Variants in EGFR observed in about 807,000 individuals in gnomAD.
EGFR encodes avian erythroblastic leukemia viral (v-erb-b) oncogene homolog.
In EGFR, 58 loss-of-function variants were observed where a neutral mutation model predicts 143.0. The ratio of observed to expected loss-of-function variants is 0.41; its 90% CI spans 0.33 to 0.50. The LOEUF (loss-of-function observed/expected upper bound fraction) is 0.50, where lower values mean the gene tolerates loss of function less well. EGFR is among the 20% of genes least tolerant of loss of function. The pLI is 0.39. For missense variants in EGFR, 1,307 were observed against 1,579.0 expected, an observed-to-expected ratio of 0.83 and a Z score of 2.92; for synonymous variants, 613 against 594.4, an observed-to-expected ratio of 1.03 and a Z score of -0.45.
rs1476483566 is a variant in EGFR, at chr7:55,071,188, G to C, written c.88+51823G>C. On this transcript the variant is annotated intron_variant, in intron 1 of 27. Transcript: ENST00000275493. ...AGGAATTTGGAGGGTTGGTGTTACT[G>C]TTCAAGAGCTGGAAGGCTTCTGCCC... 3.9e-5 allele frequency among the ~76,000 whole-genome samples: 6 copies of C among 152,232 alleles called. No individual in the cohort carries two copies. The East Asian group carries it at 9.6e-4, about 24-fold the overall frequency.
chr7:55,064,931 G>A (rs1789410855), intron 1 of EGFR, among the ~76,000 whole-genome samples: 1 of 152,164 alleles, frequency 6.6e-6, no homozygotes, highest in Admixed American at 6.5e-5. Flanking sequence ...GCATTTCCTG[G>A]TCAAGGTGAC....
intron 20 of EGFR, among the ~76,000 whole-genome samples, chr7:55,186,075 G>A (rs1481524545): frequency 1.3e-5 from 2 of 152,168 alleles, no homozygotes; most frequent in African/African-American, 2.4e-5. Context: ...CTCCAAGCTG[G>A]TGGTGCCAGC....
At chr7:55,144,073 T>C (rs892577810) in intron 3 of EGFR, among the ~76,000 whole-genome samples, 1 of 152,208 alleles carries the variant, frequency 6.6e-6, no homozygotes, top group African/African-American at 2.4e-5. Flanking sequence ...ATAGCAGTGA[T>C]TGTGCCTCAC....
At chr7:55,191,920 G>T in intron 21 of EGFR, 46 bp downstream of exon 21, 1 of 1,609,816 alleles carries the variant, frequency 6.2e-7, no homozygotes, top group South Asian at 1.1e-5. Context: ...TGACACCAGG[G>T]ACCAGGCTGC....
chr7:55,192,250 C>T (rs1787429073), intron 21 of EGFR, among the ~76,000 whole-genome samples: 1 of 152,178 alleles, frequency 6.6e-6, no homozygotes, highest in Non-Finnish European at 1.5e-5. Context: ...AGGCCCCATG[C>T]GGACCCGAGC....
intron 23 of EGFR, 133 bp downstream of exon 23, chr7:55,198,996 C>T: frequency 8.3e-7 from 1 of 1,203,296 alleles, no homozygotes; most frequent in Non-Finnish European, 1.2e-6. Context: ...AATCCAGAAA[C>T]ATCTGTAAAT....
intron 1 of EGFR, among the ~76,000 whole-genome samples, chr7:55,114,786 A>G (rs1168529938): frequency 1.3e-5 from 2 of 151,896 alleles, no homozygotes; most frequent in African/African-American, 2.4e-5. Context: ...AAAAAATTCT[A>G]AATATATTGT....
At chr7:55,090,619 C>T (rs1791053801) in intron 1 of EGFR, among the ~76,000 whole-genome samples, 2 of 152,204 alleles carry the variant, frequency 1.3e-5, no homozygotes, top group Admixed American at 1.3e-4. Context: ...CACCTAATCT[C>T]TTAAAAAATA....
intron 1 of EGFR, among the ~76,000 whole-genome samples, chr7:55,094,643 T>C (rs11977660): frequency 0.43 from 65,472 of 152,132 alleles, 14,960 homozygotes; most frequent in East Asian, 0.67. Flanking sequence ...TAACTTCTCC[T>C]TTCACATATG....
chr7:55,044,389 T>A (rs370758302), intron 1 of EGFR, among the ~76,000 whole-genome samples: 57 of 152,228 alleles, frequency 3.7e-4, no homozygotes, highest in African/African-American at 1.3e-3. Flanking sequence ...TTTGAAATAA[T>A]GTTGTTTGTG....
chr7:55,038,564 T>G (rs1460894375), intron 1 of EGFR, among the ~76,000 whole-genome samples: 1 of 152,214 alleles, frequency 6.6e-6, no homozygotes, highest in East Asian at 1.9e-4. Flanking sequence ...ATGAAACTGC[T>G]CTAAAGTCAT....
rs375332959 is a variant in EGFR at position 55,181,394 on chromosome 7, C to A, written c.2385C>A (p.Phe795Leu). ...TVQLITQLMP[F>L]GCLLDYVREH... ...AGCTCATCACGCAGCTCATGCCCTT[C>A]GGCTGCCTCCTGGACTATGTCCGGG... Residue 795 changes from phenylalanine to leucine, a missense_variant, in exon 20 of 28, where the codon TTC becomes TTA. Transcript: ENST00000275493. 1 of 1,614,222 alleles carries A rather than the reference C, an allele frequency of 6.2e-7. No individual in the cohort carries two copies. Among genetic ancestry groups the A allele is most frequent in the Non-Finnish European group, 8.5e-7 (1 of 1,180,032 alleles).
At chr7:55,060,580 C>A (rs1562678815) in intron 1 of EGFR, among the ~76,000 whole-genome samples, 1 of 152,126 alleles carries the variant, frequency 6.6e-6, no homozygotes, top group Non-Finnish European at 1.5e-5. Context: ...TAATCAGTAT[C>A]CTTCTTCAGT....
chr7:55,200,518 C>T (rs1052696395), intron 24 of EGFR, 105 bp downstream of exon 24: 28 of 1,170,942 alleles, frequency 2.4e-5, no homozygotes, highest in African/African-American at 1.4e-4. Context: ...TGTCCCAGAT[C>T]GCATTATTAA....
chr7:55,181,565 G>C (rs1282821404), intron 20 of EGFR, 87 bp downstream of exon 20: 3 of 1,529,494 alleles, frequency 2.0e-6, no homozygotes, highest in Non-Finnish European at 2.7e-6. Context: ...GCAAGAGTTT[G>C]CCATGGGGAT....
Position 55,174,819 on chromosome 7 carries a change from A to G in EGFR, c.2282A>G (p.Asp761Gly), listed in dbSNP as rs1786528039. ...CCGAAAGCCAACAAGGAAATCCTCG[A>G]TGTGAGTTTCTGCTTTGCTGTGTGG... ...TSPKANKEIL[D>G]EAYVMASVDN... Residue 761 changes from aspartate (D) to glycine (G), a missense_variant and splice_region_variant, in exon 19 of 28, where the codon GAT (aspartate) becomes GGT (glycine). This residue lies in a region of EGFR where 348 missense variants were observed against 451.5 expected (regional missense o/e 0.77). Transcript: ENST00000275493. The G allele has an allele frequency of 1.2e-6, 2 of 1,613,480 alleles. No homozygotes were observed. Among genetic ancestry groups the G allele is most frequent in the Non-Finnish European group, 1.7e-6 (2 of 1,179,408 alleles).
chr7:55,023,988 T>C (rs1786737664), intron 1 of EGFR, among the ~76,000 whole-genome samples: 1 of 152,178 alleles, frequency 6.6e-6, no homozygotes, highest in Non-Finnish European at 1.5e-5. Context: ...AGCTGGCCAG[T>C]TTGAATTTGG....
Position 55,192,944 on chromosome 7 carries a change from C to T in EGFR, c.2701+103C>T, listed in dbSNP as rs572507318. The T allele has an allele frequency of 1.4e-4, 141 of 1,027,384 alleles. 1 individual carries two copies. The African/African-American group carries it at 1.9e-3, about 14-fold the overall frequency. The allele number at this position is 1,027,384 out of a possible 1,614,324, so 63.6% of individuals were successfully genotyped here. A position where few individuals can be genotyped will look rare whatever the true frequency, so the allele number is the denominator to read the frequency against. On this transcript the variant is annotated intron_variant, in intron 22 of 27. Transcript: ENST00000275493. ...CCTCTGACATGCAAGTATTTTCTTT[C>T]GAGATAATGACTAATGATAATGTAA...
At position 55,043,117 on chromosome 7, in the gene EGFR, C is replaced by T. The variant is rs899570500; in HGVS notation, c.88+23752C>T. Among the ~76,000 whole-genome samples the T allele has an allele frequency of 3.3e-5, 5 of 152,016 alleles. No individual in the cohort carries two copies. In the South Asian group the frequency reaches 6.2e-4, roughly 19 times the overall value. On this transcript the variant is annotated intron_variant, in intron 1 of 27. Transcript: ENST00000275493. ...TGTTAATACTTGATGAGATCGGGCG[C>T]GTTCAAGGTGGCATGGCCGTAGACT...
Sources: allele counts gnomAD v4.1 joint callset (sites outside exome capture counted in the v4.1 genomes callset), GRCh38; gene constraint gnomAD v4.1.1; regional missense constraint gnomAD v4.1.1; transcripts MANE v1.5; gene names NCBI Gene and HGNC (gene_info 2026-07-23, HGNC 2026-07-21).